PSMA8: variants seen among roughly 807,000 people sequenced by gnomAD.
PSMA8 encodes proteasome 20S subunit alpha 8, also known as proteasome subunit alpha-type 8.
A neutral mutation model predicts 32.4 loss-of-function variants in PSMA8; 18 were observed. The ratio of observed to expected loss-of-function variants is 0.56; its 90% CI spans 0.38 to 0.82. The LOEUF (loss-of-function observed/expected upper bound fraction) is 0.82. PSMA8 is among the 40% of genes least tolerant of loss of function. The probability of loss-of-function intolerance (pLI) is 0.00; values close to 1 mark genes in which losing one functional copy is unlikely to be tolerated. For missense variants in PSMA8, 298 were observed against 300.7 expected, an observed-to-expected ratio of 0.99 and a Z score of 0.07; for synonymous variants, 104 against 98.1, an observed-to-expected ratio of 1.06 and a Z score of -0.36.
At chr18:26,180,245 CA>C (rs1568069875) in intron 6 of PSMA8, among the ~76,000 whole-genome samples, 2 of 151,970 alleles carry the variant, frequency 1.3e-5, no homozygotes, top group African/African-American at 2.4e-5. Context: ...GACTCCATCT[CA>C]AAAAAAATTA....
chr18:26,180,107 G>A (rs868266923), intron 6 of PSMA8, among the ~76,000 whole-genome samples: 1 of 151,954 alleles, frequency 6.6e-6, no homozygotes, highest in African/African-American at 2.4e-5. Context: ...AAAAAAAATA[G>A]CTGGGCGTGG....
chr18:26,191,056 A>G (rs993440129), intron 6 of PSMA8, among the ~76,000 whole-genome samples: 4 of 152,240 alleles, frequency 2.6e-5, no homozygotes, highest in Non-Finnish European at 5.9e-5. Context: ...TGAAATGGAA[A>G]GAGTTCTGGA....
intron 4 of PSMA8, among the ~76,000 whole-genome samples, chr18:26,165,950 A>C (rs1440737962): frequency 6.6e-6 from 1 of 151,886 alleles, no homozygotes; most frequent in Non-Finnish European, 1.5e-5. Context: ...AAAATACAAA[A>C]AATTAGCTGT....
At chr18:26,186,812 T>C (rs1477241992) in intron 6 of PSMA8, among the ~76,000 whole-genome samples, 1 of 152,128 alleles carries the variant, frequency 6.6e-6, no homozygotes, top group Non-Finnish European at 1.5e-5. Context: ...AGATGAAATA[T>C]AACTAGTTTT....
intron 6 of PSMA8, among the ~76,000 whole-genome samples, chr18:26,180,010 G>A (rs1235201157): frequency 1.3e-5 from 2 of 151,886 alleles, no homozygotes; most frequent in African/African-American, 4.8e-5. Context: ...CAGCACTCTG[G>A]GAGGCTGAGG....
In PSMA8 at chr18:26,179,061, AC is replaced by A; in HGVS notation, c.598-6del. 6.2e-7 allele frequency: 1 copy of A among 1,612,716 alleles called. No homozygotes were observed. The highest frequency in any genetic ancestry group is 2.2e-5 in the East Asian group (1 of 44,836). ...ATAATTCTAATAGTGTACTTGTTCT[AC>A]ATTAGGTTGTCCAGTCTGGTGGAAA... On this transcript the variant is annotated splice_polypyrimidine_tract_variant and splice_region_variant and intron_variant, in intron 5 of 6. Coordinates refer to ENST00000415576, the MANE Select transcript of PSMA8 (RefSeq NM_001025096.2).
chr18:26,149,071 G>A (rs1162265587), intron 2 of PSMA8, among the ~76,000 whole-genome samples: 1 of 151,868 alleles, frequency 6.6e-6, no homozygotes, highest in Non-Finnish European at 1.5e-5. Context: ...TCAAACTCTT[G>A]GCCTCAAGTG....
intron 6 of PSMA8, among the ~76,000 whole-genome samples, chr18:26,180,467 C>T (rs2055301473): frequency 6.6e-6 from 1 of 152,004 alleles, no homozygotes; most frequent in Admixed American, 6.6e-5. Context: ...AGCAAAGTTT[C>T]AATAAATAAG....
At chr18:26,154,548 G>T (rs2055071487) in intron 3 of PSMA8, among the ~76,000 whole-genome samples, 1 of 152,002 alleles carries the variant, frequency 6.6e-6, no homozygotes. Flanking sequence ...GAAGGCCTGG[G>T]GCTCTCCGGC....
intron 1 of PSMA8, among the ~76,000 whole-genome samples, chr18:26,135,975 G>C (rs1321104182): frequency 6.6e-6 from 1 of 152,104 alleles, no homozygotes; most frequent in Non-Finnish European, 1.5e-5. Context: ...TTTTTTAATG[G>C]CACTTGATTA....
chr18:26,138,772 A>G (rs867696609), intron 1 of PSMA8, among the ~76,000 whole-genome samples: 1 of 152,246 alleles, frequency 6.6e-6, no homozygotes, highest in South Asian at 2.1e-4. Flanking sequence ...AATAAGGTGG[A>G]TTCCAGAAAA....
chr18:26,163,227 A>G (rs1253343036), intron 4 of PSMA8, among the ~76,000 whole-genome samples: 1,053 of 46,600 alleles, frequency 0.023, 62 homozygotes, highest in African/African-American at 0.054. Flanking sequence ...ATATATATAT[A>G]TATATATATA....
chr18:26,181,756 T>C (rs2055313116), intron 6 of PSMA8, among the ~76,000 whole-genome samples: 2 of 151,824 alleles, frequency 1.3e-5, no homozygotes, highest in Non-Finnish European at 2.9e-5. Context: ...AAAACCTGTC[T>C]CTACTAAAAA....
chr18:26,134,058 A>G lies in PSMA8; in HGVS notation c.93A>G (p.Gly31=). ...VEYAQEAVKK[G]STAVGIRGTN... ...ATGCCCAGGAAGCGGTGAAGAAAGG[A>G]TCCACCGCGGTGAGGAAGCAACTAT... Residue 31 remains glycine, a synonymous_variant, in exon 1 of 7, where the codon GGA becomes GGG. Transcript: ENST00000415576. The G allele has an allele frequency of 6.2e-7, 1 of 1,612,574 alleles. No homozygotes were observed. Among genetic ancestry groups the G allele is most frequent in the Non-Finnish European group, 8.5e-7 (1 of 1,178,640 alleles).
intron 6 of PSMA8, 36 bp downstream of exon 6, chr18:26,179,166 G>T: frequency 6.5e-7 from 1 of 1,534,240 alleles, no homozygotes; most frequent in East Asian, 2.3e-5. Flanking sequence ...AGTATCTGTA[G>T]TATAAAGTAT....
chr18:26,142,499 T>C (rs2054967059), intron 1 of PSMA8, among the ~76,000 whole-genome samples: 1 of 152,204 alleles, frequency 6.6e-6, no homozygotes, highest in Non-Finnish European at 1.5e-5. Context: ...ACCCTACTTG[T>C]ATTCTTCTTG....
intron 6 of PSMA8, among the ~76,000 whole-genome samples, chr18:26,186,220 G>C (rs1423793884): frequency 2.4e-5 from 3 of 124,904 alleles, no homozygotes; most frequent in Non-Finnish European, 4.7e-5. Flanking sequence ...CTGCACTCTA[G>C]CCTGGGCAAC....
chr18:26,156,748 A>G (rs755066927), intron 3 of PSMA8, among the ~76,000 whole-genome samples: 14 of 149,354 alleles, frequency 9.4e-5, no homozygotes, highest in Non-Finnish European at 2.1e-4. Context: ...TATATTGTAT[A>G]TAATATATAC....
At position 26,186,023 on chromosome 18, in the gene PSMA8, G is replaced by A. The variant is rs867469694; in HGVS notation, c.661-6296G>A. ...TTGGGAGACCGAGTGGGTGGATCACGAGGTCAGGAGTTCAAGATCAGCCTG... is the reference window on the plus strand; with the variant it reads ...TTGGGAGACCGAGTGGGTGGATCACAAGGTCAGGAGTTCAAGATCAGCCTG... On this transcript the variant is annotated intron_variant, in intron 6 of 6. Transcript: ENST00000415576. 3.3e-5 allele frequency among the ~76,000 whole-genome samples: 5 copies of A among 149,606 alleles called. 1 individual carries two copies. Among genetic ancestry groups the A allele is most frequent in the African/African-American group, 4.9e-5 (2 of 40,422 alleles).
Sources: gnomAD v4.1 joint callset for allele counts (sites outside exome capture counted in the v4.1 genomes callset) on GRCh38, gnomAD v4.1.1 for gene constraint, MANE v1.5 for transcripts, NCBI Gene and HGNC (gene_info 2026-07-23, HGNC 2026-07-21) for gene names.